RAP1GDS1: variants seen among roughly 807,000 people sequenced by gnomAD.
The protein encoded by RAP1GDS1 is RAP1, GTP-GDP dissociation stimulator 1.
In RAP1GDS1, 35 loss-of-function variants were observed where a neutral mutation model predicts 71.1. That is an observed-to-expected ratio of 0.49 (90% CI 0.38 to 0.65). RAP1GDS1 has a LOEUF of 0.65. Among genes scored for constraint, RAP1GDS1 ranks in the 30% least tolerant of loss-of-function variants. The probability of loss-of-function intolerance (pLI) is 0.00; values close to 1 mark genes in which losing one functional copy is unlikely to be tolerated. For missense variants in RAP1GDS1, 663 were observed against 706.1 expected (o/e 0.94, Z 0.69); for synonymous variants, 229 against 243.1 (o/e 0.94, Z 0.54).
chr4:98,297,889 G>A, intron 2 of RAP1GDS1, among the ~76,000 whole-genome samples: 1 of 152,216 alleles, frequency 6.6e-6, no homozygotes, highest in East Asian at 1.9e-4. Context: ...TAGGCCAAAA[G>A]CTAGGCTTCT....
At chr4:98,293,212 C>T (rs1323194984) in intron 1 of RAP1GDS1, among the ~76,000 whole-genome samples, 196 bp from the exon 2 acceptor site, 2 of 152,048 alleles carry the variant, frequency 1.3e-5, no homozygotes, top group African/African-American at 4.8e-5. Flanking sequence ...ATGAATATTT[C>T]ATATCTGAGT....
intron 3 of RAP1GDS1, among the ~76,000 whole-genome samples, chr4:98,344,410 T>C (rs1343827638): frequency 1.3e-5 from 2 of 152,210 alleles, no homozygotes; most frequent in Admixed American, 1.3e-4. Flanking sequence ...ATAGTATAGA[T>C]TTCCAGAAAT....
intron 2 of RAP1GDS1, among the ~76,000 whole-genome samples, chr4:98,312,944 C>T (rs1327847378): frequency 6.6e-6 from 1 of 151,466 alleles, no homozygotes; most frequent in Non-Finnish European, 1.5e-5. Flanking sequence ...TGGCAGGCGC[C>T]TGTAGTCCCA....
Position 98,266,335 on chromosome 4 carries a change from C to T in RAP1GDS1, c.4+4766C>T, listed in dbSNP as rs1722713763. Among the ~76,000 whole-genome samples, 5 of 152,142 alleles carry T rather than the reference C, an allele frequency of 3.3e-5. No individual in the cohort carries two copies. The South Asian group carries it at 1.0e-3, about 32-fold the overall frequency. On this transcript the variant is annotated intron_variant, in intron 1 of 14. Coordinates refer to ENST00000408927, the MANE Select transcript of RAP1GDS1 (RefSeq NM_001100427.2). ...TTTATAATTTTGCATGGCATTTTGC[C>T]TAAACAATACTCTTTACTGATGAAT...
chr4:98,397,948 T>C (rs1331981765), intron 6 of RAP1GDS1, among the ~76,000 whole-genome samples: 1 of 152,112 alleles, frequency 6.6e-6, no homozygotes, highest in African/African-American at 2.4e-5. Context: ...TATTGAGGGT[T>C]CTCTACAAAA....
At chr4:98,374,684 G>T (rs1740901228) in intron 4 of RAP1GDS1, among the ~76,000 whole-genome samples, 1 of 152,184 alleles carries the variant, frequency 6.6e-6, no homozygotes, top group Non-Finnish European at 1.5e-5. Context: ...CTAGGTTCAT[G>T]TTTTGTTGTT....
intron 2 of RAP1GDS1, among the ~76,000 whole-genome samples, chr4:98,335,615 A>T (rs1267961168): frequency 6.6e-6 from 1 of 151,988 alleles, no homozygotes; most frequent in Non-Finnish European, 1.5e-5. Flanking sequence ...AAAAAAACTT[A>T]TCTTTGAATG....
At chr4:98,367,456 C>T (rs1012607202) in intron 4 of RAP1GDS1, among the ~76,000 whole-genome samples, 1 of 152,200 alleles carries the variant, frequency 6.6e-6, no homozygotes, top group Admixed American at 6.5e-5. Flanking sequence ...CCTACTGGGG[C>T]ATCACATAAT....
In RAP1GDS1 at chr4:98,416,859, C is replaced by A; in HGVS notation, c.878C>A (p.Ser293Ter). 1 of 1,613,780 alleles carries A rather than the reference C, an allele frequency of 6.2e-7. No homozygotes were observed. The highest frequency in any genetic ancestry group is 1.1e-5 in the South Asian group (1 of 91,042). ...EDDITELKTGSDLMVLLLLGD... is the reference protein window; with the variant it reads ...EDDITELKTG ...GATATTACTGAGCTCAAAACTGGTT[C>A]AGATCTCATGGTTTTATTACTTCTT... Residue 293 changes from serine to a stop codon, truncating the protein, a stop_gained, in exon 8 of 15, where the codon TCA becomes TAA. Transcript: ENST00000408927. LOFTEE classifies it high-confidence loss of function.
intron 4 of RAP1GDS1, among the ~76,000 whole-genome samples, chr4:98,354,648 A>AT (rs1943707784): frequency 6.6e-6 from 1 of 152,104 alleles, no homozygotes; most frequent in Non-Finnish European, 1.5e-5. Context: ...AGTATTTATC[A>AT]TATCTATTTA....
chr4:98,261,629 AG>A, intron 1 of RAP1GDS1, 60 bp downstream of exon 1: 1 of 1,554,616 alleles, frequency 6.4e-7, no homozygotes, highest in Non-Finnish European at 8.8e-7. Flanking sequence ...GGCGTGCTGC[AG>A]GGTGGGAAGC....
At chr4:98,311,762 G>C (rs1368470858) in intron 2 of RAP1GDS1, among the ~76,000 whole-genome samples, 1 of 152,126 alleles carries the variant, frequency 6.6e-6, no homozygotes, top group Non-Finnish European at 1.5e-5. Flanking sequence ...TCAGCTTCCT[G>C]AATAGCTAGG....
At chr4:98,337,038 G>A (rs1177142698) in intron 2 of RAP1GDS1, among the ~76,000 whole-genome samples, 1 of 152,068 alleles carries the variant, frequency 6.6e-6, no homozygotes, top group Non-Finnish European at 1.5e-5. Flanking sequence ...GGGATTACAG[G>A]CATCCACCAC....
intron 5 of RAP1GDS1, among the ~76,000 whole-genome samples, chr4:98,384,151 T>C (rs1742402210): frequency 6.6e-6 from 1 of 151,528 alleles, no homozygotes; most frequent in African/African-American, 2.4e-5. Context: ...TTAATGAAAC[T>C]AATTTTCCAT....
At chr4:98,400,370 G>A (rs1370773914) in intron 6 of RAP1GDS1, among the ~76,000 whole-genome samples, 1 of 151,800 alleles carries the variant, frequency 6.6e-6, no homozygotes, top group Non-Finnish European at 1.5e-5. Context: ...ACACACAATG[G>A]AATACTATTC....
intron 2 of RAP1GDS1, among the ~76,000 whole-genome samples, chr4:98,334,355 A>C (rs72896337): frequency 2.6e-4 from 39 of 152,272 alleles, no homozygotes; most frequent in Admixed American, 1.2e-3. Flanking sequence ...TCAGTTTCAC[A>C]TGAGTTTAGG....
At position 98,442,126 on chromosome 4, in the gene RAP1GDS1, C is replaced by T. The variant is rs752306137; in HGVS notation, c.*9C>T. 3.7e-6 allele frequency: 6 copies of T among 1,611,154 alleles called. No homozygotes were observed. The highest frequency in any genetic ancestry group is 5.1e-6 in the Non-Finnish European group (6 of 1,179,502). On this transcript the variant is annotated 3_prime_UTR_variant, in exon 15 of 15. Coordinates refer to ENST00000408927, the MANE Select transcript of RAP1GDS1 (RefSeq NM_001100427.2). ...TTACTGTGGAAAGCTGAGAACTGCC[C>T]GATACACGGCATCATCCCATCTCTA...
Position 98,417,887 on chromosome 4 carries a change from AGTAT to A in RAP1GDS1, c.1039+391_1039+394del, listed in dbSNP as rs1748240302. On this transcript the variant is annotated intron_variant, in intron 9 of 14. Transcript: ENST00000408927. ...TATACTTTTATGCCCATAAAACTTA[AGTAT>A]GAATAATCCCCTGGCATCGTGTAGA... is the stretch of plus-strand genomic sequence containing the variant. Among the ~76,000 whole-genome samples the A allele has an allele frequency of 3.9e-5, 6 of 152,262 alleles. No individual in the cohort carries two copies. The South Asian group carries it at 1.2e-3, about 32-fold the overall frequency.
At chr4:98,312,164 AG>A (rs1185480018) in intron 2 of RAP1GDS1, among the ~76,000 whole-genome samples, 1 of 152,190 alleles carries the variant, frequency 6.6e-6, no homozygotes, top group Non-Finnish European at 1.5e-5. Flanking sequence ...TCTCAGGGCC[AG>A]GGGAAGCATT....
Sources: allele counts gnomAD v4.1 joint callset (sites outside exome capture counted in the v4.1 genomes callset), GRCh38; gene constraint gnomAD v4.1.1; transcripts MANE v1.5; gene names NCBI Gene and HGNC (gene_info 2026-07-23, HGNC 2026-07-21).